Variants in BRWD1 observed in about 807,000 individuals in gnomAD.
The protein encoded by BRWD1 is bromodomain and WD repeat-containing protein 1.
BRWD1 carries 82 observed loss-of-function variants against 251.2 expected under a neutral mutation model. The ratio of observed to expected loss-of-function variants is 0.33; its 90% CI spans 0.27 to 0.39. BRWD1 has a LOEUF of 0.39. Ranked by LOEUF, BRWD1 falls within the 10% of genes least tolerant of loss-of-function variation. The pLI, the probability that BRWD1 is intolerant of heterozygous loss-of-function variation, is 1.00. For missense variants in BRWD1, 2,233 were observed against 2,711.6 expected (o/e 0.82, Z 3.92); for synonymous variants, 918 against 902.8 (o/e 1.02, Z -0.30).
chr21:39,297,505 C>T (rs780682482), intron 5 of BRWD1: 10 of 627,408 alleles, frequency 1.6e-5, no homozygotes, highest in African/African-American at 2.0e-5. Context: ...AACAGGCTAC[C>T]AATTAACTAC....
chr21:39,202,915 CTCTTA>C (rs932155472), intron 37 of BRWD1, among the ~76,000 whole-genome samples: 8 of 152,198 alleles, frequency 5.3e-5, no homozygotes. Context: ...ACTTTCTCCT[CTCTTA>C]TTTCTATGTC....
chr21:39,237,817 C>T (rs913787049), intron 22 of BRWD1, among the ~76,000 whole-genome samples: 18 of 151,752 alleles, frequency 1.2e-4, no homozygotes, highest in Non-Finnish European at 2.6e-4. Context: ...TGTATTTTAC[C>T]ACAATTAAAT....
Position 39,188,489 on chromosome 21 carries a change from A to G in BRWD1, c.*7770T>C, listed in dbSNP as rs1051733812. 1.9e-5 allele frequency: 19 copies of G among 985,262 alleles called. No homozygotes were observed. The highest frequency in any genetic ancestry group is 4.7e-5 in the South Asian group (1 of 21,294). The allele number at this position is 985,262 out of a possible 1,614,324, so 61.0% of individuals were successfully genotyped here. On this transcript the variant is annotated 3_prime_UTR_variant, in exon 41 of 41. Transcript: ENST00000342449. ...TAGTCAGATACTATCAAGTAACACT[A>G]TTATTCTGTAGCAATGAAACCACCA...
At chr21:39,288,558 G>A (rs1272581739) in intron 8 of BRWD1, among the ~76,000 whole-genome samples, 4 of 152,188 alleles carry the variant, frequency 2.6e-5, no homozygotes, top group Admixed American at 2.6e-4. Context: ...CAACGCAGGG[G>A]TTAGGGTACC....
At chr21:39,212,822 A>G in intron 33 of BRWD1, 115 bp from the exon 34 acceptor site, 1 of 688,054 alleles carries the variant, frequency 1.5e-6, no homozygotes, top group Non-Finnish European at 2.3e-6. Flanking sequence ...ATAACATGTT[A>G]TTATCAAAAT....
chr21:39,191,101 A>G lies in BRWD1; in HGVS notation c.*5158T>C. 1 of 985,392 alleles carries G rather than the reference A, an allele frequency of 1.0e-6. No homozygotes were observed. The highest frequency in any genetic ancestry group is 1.2e-6 in the Non-Finnish European group (1 of 829,896). The allele number at this position is 985,392 out of a possible 1,614,324, so 61.0% of individuals were successfully genotyped here. On this transcript the variant is annotated 3_prime_UTR_variant, in exon 41 of 41. Coordinates refer to ENST00000342449, the MANE Select transcript of BRWD1 (RefSeq NM_033656.4). ...TTTGCTTTTTAGAAGCAATACCTTA[A>G]GAGCATTTCACACTAAATGCAGGCA...
chr21:39,300,919 G>A (rs1463283151), intron 4 of BRWD1, among the ~76,000 whole-genome samples: 1 of 152,102 alleles, frequency 6.6e-6, no homozygotes, highest in Non-Finnish European at 1.5e-5. Context: ...AAAAATAAAT[G>A]CAAAGAAAAC....
chr21:39,224,265 G>A lies in BRWD1; in HGVS notation c.3382+143C>T, dbSNP rs137954568. ...TAACAAAACAGATAAACACGATGCT[G>A]TTGTCTTCTTTCAGTAAAGTTCAGT... On this transcript the variant is annotated intron_variant, in intron 29 of 40. Transcript: ENST00000342449. The A allele has an allele frequency of 5.3e-4, 265 of 496,860 alleles. 1 individual carries two copies. The East Asian group carries it at 9.0e-3, about 17-fold the overall frequency. The allele number at this position is 496,860 out of a possible 1,614,324, so 30.8% of individuals were successfully genotyped here.
intron 21 of BRWD1, among the ~76,000 whole-genome samples, chr21:39,240,155 C>T (rs2033940080): frequency 6.6e-6 from 1 of 152,158 alleles, no homozygotes; most frequent in African/African-American, 2.4e-5. Flanking sequence ...GCAAAGGCTA[C>T]TAGCTATATG....
intron 20 of BRWD1, among the ~76,000 whole-genome samples, chr21:39,248,501 G>A (rs1199690017): frequency 6.6e-6 from 1 of 151,856 alleles, no homozygotes; most frequent in Non-Finnish European, 1.5e-5. Flanking sequence ...AGCTGGGCAT[G>A]GTGGTACACA....
At chr21:39,252,067 G>A (rs1040628040) in intron 19 of BRWD1, among the ~76,000 whole-genome samples, 1 of 151,834 alleles carries the variant, frequency 6.6e-6, no homozygotes, top group Admixed American at 6.6e-5. Flanking sequence ...AGGAGTTCAC[G>A]ACCAGCCTGG....
At position 39,274,506 on chromosome 21, in the gene BRWD1, C is replaced by G. The variant is rs1029969218; in HGVS notation, c.1146-34G>C. ...ATTCAGAACAGGATCTTACTATATTCACACACTTTCCAACAAGGGCTACAA... is the reference window on the plus strand; with the variant it reads ...ATTCAGAACAGGATCTTACTATATTGACACACTTTCCAACAAGGGCTACAA... On this transcript the variant is annotated intron_variant, in intron 12 of 40. Transcript: ENST00000342449. The G allele has an allele frequency of 2.0e-6, 3 of 1,503,238 alleles. No individual in the cohort carries two copies. In the African/African-American group the frequency reaches 4.1e-5, roughly 21 times the overall value. 93.1% of individuals were successfully genotyped at this position (1,503,238 alleles called of 1,614,324 possible).
chr21:39,278,210 A>C (rs560679526), intron 10 of BRWD1, among the ~76,000 whole-genome samples: 1 of 152,214 alleles, frequency 6.6e-6, no homozygotes, highest in African/African-American at 2.4e-5. Context: ...CGCTCTAAAA[A>C]TATTTTTAAG....
intron 22 of BRWD1, 63 bp downstream of exon 22, chr21:39,238,416 G>C: frequency 7.5e-7 from 1 of 1,339,802 alleles, no homozygotes; most frequent in South Asian, 1.2e-5. Flanking sequence ...TAAAATTCAA[G>C]TATGATTCCA....
At chr21:39,301,400 A>G (rs1208810465) in intron 4 of BRWD1, among the ~76,000 whole-genome samples, 3 of 152,158 alleles carry the variant, frequency 2.0e-5, no homozygotes, top group Admixed American at 6.5e-5. Flanking sequence ...TCATCTTTTG[A>G]TAACTCAAGC....
At chr21:39,308,567 A>C (rs1342354638) in intron 4 of BRWD1, among the ~76,000 whole-genome samples, 1 of 152,102 alleles carries the variant, frequency 6.6e-6, no homozygotes, top group Non-Finnish European at 1.5e-5. Context: ...TCACAAGTTT[A>C]AGATAAATTG....
chr21:39,289,737 C>A (rs1460802233), intron 8 of BRWD1, among the ~76,000 whole-genome samples: 2 of 152,158 alleles, frequency 1.3e-5, no homozygotes, highest in African/African-American at 4.8e-5. Context: ...AAGAAGCTAG[C>A]AATCAGGCCG....
intron 8 of BRWD1, among the ~76,000 whole-genome samples, chr21:39,293,338 CA>C (rs1464551614): frequency 1.3e-5 from 2 of 151,876 alleles, no homozygotes; most frequent in Non-Finnish European, 2.9e-5. Context: ...ACTAAAAATA[CA>C]AAAATTAGCC....
At chr21:39,303,519 CAAAAAAA>C (rs34013314) in intron 4 of BRWD1, among the ~76,000 whole-genome samples, 1 of 91,730 alleles carries the variant, frequency 1.1e-5, no homozygotes, top group Admixed American at 1.4e-4. Context: ...ACTCCATCTC[CAAAAAAA>C]AAAAAAAAAA....
Sources: gnomAD v4.1 joint callset for allele counts (sites outside exome capture counted in the v4.1 genomes callset) on GRCh38, gnomAD v4.1.1 for gene constraint, MANE v1.5 for transcripts, NCBI Gene and HGNC (gene_info 2026-07-23, HGNC 2026-07-21) for gene names.